The following DPP10 variants were observed in gnomAD, a reference collection of about 807,000 sequenced individuals.
The protein encoded by DPP10 is inactive dipeptidyl peptidase 10.
DPP10 carries 33 observed loss-of-function variants against 120.9 expected under a neutral mutation model. The observed-to-expected ratio is 0.27, with a 90% CI of 0.21 to 0.37. The LOEUF (loss-of-function observed/expected upper bound fraction) is 0.37, where lower values mean the gene tolerates loss of function less well. DPP10 is among the 10% of genes least tolerant of loss of function. DPP10 has a pLI of 1.00. For synonymous variants in DPP10, 337 were observed against 326.1 expected, an observed-to-expected ratio of 1.03 and a Z score of -0.36; for missense variants, 816 against 942.8, an observed-to-expected ratio of 0.87 and a Z score of 1.76.
intron 1 of DPP10, among the ~76,000 whole-genome samples, chr2:114,554,665 A>G (rs1464933397): frequency 6.6e-6 from 1 of 152,196 alleles, no homozygotes; most frequent in Non-Finnish European, 1.5e-5. Context: ...AGAACACACT[A>G]TCTAATAAGT....
At chr2:115,067,391 A>G (rs938640213) in intron 1 of DPP10, among the ~76,000 whole-genome samples, 13 of 151,550 alleles carry the variant, frequency 8.6e-5, no homozygotes, top group Admixed American at 2.6e-4. Context: ...AGCTGGGACT[A>G]CAGGCGCCCG....
At chr2:114,772,662 CTT>C (rs34802599) in intron 1 of DPP10, among the ~76,000 whole-genome samples, 7 of 145,322 alleles carry the variant, frequency 4.8e-5, no homozygotes, top group South Asian at 4.4e-4. Context: ...CACCTCATAC[CTT>C]TTTTTTTTTT....
At chr2:115,644,655 C>G (rs1364957349) in intron 5 of DPP10, among the ~76,000 whole-genome samples, 1 of 151,488 alleles carries the variant, frequency 6.6e-6, no homozygotes, top group African/African-American at 2.4e-5. Context: ...TGGCGTGCAC[C>G]ACCTGTAGTC....
intron 1 of DPP10, among the ~76,000 whole-genome samples, chr2:115,188,989 T>G (rs1235559634): frequency 6.6e-6 from 1 of 152,234 alleles, no homozygotes; most frequent in Non-Finnish European, 1.5e-5. Flanking sequence ...GAAAGGTAAC[T>G]ATACTAAATT....
At chr2:115,408,303 C>T (rs1460508480) in intron 3 of DPP10, among the ~76,000 whole-genome samples, 2 of 152,234 alleles carry the variant, frequency 1.3e-5, no homozygotes, top group African/African-American at 4.8e-5. Flanking sequence ...CCACCCCAAT[C>T]TCCCAGTGCG....
At chr2:115,451,290 G>C (rs1165161160) in intron 3 of DPP10, among the ~76,000 whole-genome samples, 1 of 151,864 alleles carries the variant, frequency 6.6e-6, no homozygotes, top group Non-Finnish European at 1.5e-5. Context: ...TGAAAGGGTA[G>C]AGTTTAAATA....
intron 3 of DPP10, among the ~76,000 whole-genome samples, chr2:115,388,216 G>T (rs947499740): frequency 1.3e-5 from 2 of 152,202 alleles, no homozygotes; most frequent in Non-Finnish European, 2.9e-5. Context: ...GATTTGTAGG[G>T]TATCTTGAGT....
intron 3 of DPP10, among the ~76,000 whole-genome samples, chr2:115,447,053 G>A (rs755636040): frequency 7.2e-5 from 11 of 152,130 alleles, no homozygotes; most frequent in South Asian, 2.1e-4. Context: ...GAACAGACGC[G>A]GGGGTGGAAC....
intron 5 of DPP10, among the ~76,000 whole-genome samples, chr2:115,577,755 TC>T (rs1426282199): frequency 1.3e-5 from 2 of 152,136 alleles, no homozygotes; most frequent in African/African-American, 4.8e-5. Context: ...CCTTATATGC[TC>T]ACATGGTGTT....
chr2:114,610,562 T>C (rs1693205189), intron 1 of DPP10, among the ~76,000 whole-genome samples: 1 of 151,964 alleles, frequency 6.6e-6, no homozygotes, highest in Admixed American at 6.6e-5. Flanking sequence ...TGCTTTGAGT[T>C]TTGGGTAGCT....
chr2:115,148,497 C>T (rs1026793834), intron 1 of DPP10, among the ~76,000 whole-genome samples: 1 of 152,064 alleles, frequency 6.6e-6, no homozygotes, highest in African/African-American at 2.4e-5. Flanking sequence ...TTTGGAGAGG[C>T]AGGAGCAATT....
intron 1 of DPP10, among the ~76,000 whole-genome samples, chr2:114,890,223 A>C (rs1170444133): frequency 1.3e-5 from 2 of 152,238 alleles, no homozygotes; most frequent in African/African-American, 4.8e-5. Context: ...AGTAAAATGA[A>C]TTTGAGGCAG....
At chr2:114,528,153 C>T (rs1403786603) in intron 1 of DPP10, among the ~76,000 whole-genome samples, 1 of 152,128 alleles carries the variant, frequency 6.6e-6, no homozygotes, top group African/African-American at 2.4e-5. Context: ...TTACAGCCAC[C>T]TCCCATACAC....
intron 1 of DPP10, among the ~76,000 whole-genome samples, chr2:114,549,116 C>A (rs908535990): frequency 2.0e-5 from 3 of 151,954 alleles, no homozygotes; most frequent in African/African-American, 7.3e-5. Flanking sequence ...TTATTTGGGT[C>A]ATTTCCTTGT....
intron 1 of DPP10, among the ~76,000 whole-genome samples, chr2:114,559,276 A>G (rs906288444): frequency 2.0e-5 from 3 of 152,186 alleles, no homozygotes; most frequent in Non-Finnish European, 4.4e-5. Context: ...GAGTCCCCGC[A>G]TGAGGGAAGC....
intron 2 of DPP10, among the ~76,000 whole-genome samples, chr2:115,319,407 A>G (rs557084091): frequency 6.6e-6 from 1 of 152,292 alleles, no homozygotes; most frequent in South Asian, 2.1e-4. Flanking sequence ...TTTTAACCTC[A>G]CAGAATGAGA....
At chr2:114,955,435 A>C (rs1698129856) in intron 1 of DPP10, among the ~76,000 whole-genome samples, 1 of 152,138 alleles carries the variant, frequency 6.6e-6, no homozygotes, top group Non-Finnish European at 1.5e-5. Context: ...TTTCAGCCTC[A>C]TTTTACCCAG....
At chr2:115,614,874 AAATAT>A (rs1378144293) in intron 5 of DPP10, among the ~76,000 whole-genome samples, 2 of 152,220 alleles carry the variant, frequency 1.3e-5, no homozygotes, top group African/African-American at 4.8e-5. Flanking sequence ...GGATACACAG[AAATAT>A]AATATAATAT....
chr2:115,574,191 T>C (rs1575216619), intron 5 of DPP10, among the ~76,000 whole-genome samples: 1 of 152,288 alleles, frequency 6.6e-6, no homozygotes, highest in East Asian at 1.9e-4. Flanking sequence ...TCAGGATTAA[T>C]TAGCCCTCTT....
Sources: allele counts gnomAD v4.1 joint callset (sites outside exome capture counted in the v4.1 genomes callset), GRCh38; gene constraint gnomAD v4.1.1; transcripts MANE v1.5; gene names NCBI Gene and HGNC (gene_info 2026-07-23, HGNC 2026-07-21).